Variants in INA observed in about 807,000 individuals in gnomAD.
The protein encoded by INA is alpha-internexin.
INA carries 35 observed loss-of-function variants against 40.1 expected under a neutral mutation model. The observed-to-expected ratio is 0.87, with a 90% CI of 0.67 to 1.16. The LOEUF (loss-of-function observed/expected upper bound fraction) is 1.16, where lower values mean the gene tolerates loss of function less well. Ranked by LOEUF, INA falls within the 50% of genes most tolerant of loss-of-function variation. INA has a pLI of 0.00. For missense variants in INA, 594 were observed against 686.7 expected (o/e 0.87, Z 1.51); for synonymous variants, 290 against 316.9 (o/e 0.92, Z 0.90).
At position 103,277,252 on chromosome 10, in the gene INA, C is replaced by T; in HGVS notation, c.41C>T (p.Ser14Phe). ...GSEHYLCSSS[S>F]YRKVFGDGSR... ...GAGCACTACCTGTGCTCCTCCTCCT[C>T]CTACCGCAAGGTGTTCGGGGATGGC... The change falls in exon 1 of 3, where the codon TCC (serine) becomes TTC (phenylalanine). Residue 14 changes from serine (S) to phenylalanine (F), a missense_variant. Physicochemically the swap from Ser to Phe is radical, Grantham distance 155. Around this residue, in one of 2 missense-constraint regions of INA, gnomAD observed 215 missense variants for 190.6 expected, o/e 1.13. Transcript: ENST00000369849. The surrounding 1 kb of genome is among the most constrained non-coding windows in gnomAD (Gnocchi z 5.6). The T allele has an allele frequency of 6.3e-7, 1 of 1,593,932 alleles. No individual in the cohort carries two copies. The highest frequency in any genetic ancestry group is 8.5e-7 in the Non-Finnish European group (1 of 1,173,316).
intron 1 of INA, among the ~76,000 whole-genome samples, chr10:103,285,785 T>C (rs944307917): frequency 3.3e-5 from 5 of 151,832 alleles, no homozygotes; most frequent in African/African-American, 9.7e-5. Flanking sequence ...ACCCAGCTAA[T>C]TTTTGTATTT....
rs754052697 is a variant in INA, at chr10:103,288,687, AG to A, written c.*19del. The A allele has an allele frequency of 1.3e-6, 2 of 1,492,314 alleles. No homozygotes were observed. Among genetic ancestry groups the A allele is most frequent in the Non-Finnish European group, 1.8e-6 (2 of 1,102,424 alleles). 92.4% of individuals were successfully genotyped at this position (1,492,314 alleles called of 1,614,324 possible). A position where few individuals can be genotyped will look rare whatever the true frequency, so the allele number is the denominator to read the frequency against. ...AAATATAATTCCATTGCTTTGAAAA[AG>A]TTAATGCTTAAGAGGGAATGATATG... On this transcript the variant is annotated 3_prime_UTR_variant, in exon 3 of 3. Transcript: ENST00000369849.
At position 103,277,480 on chromosome 10, in the gene INA, T is replaced by A. The variant is rs773213037; in HGVS notation, c.269T>A (p.Ile90Asn). The A allele has an allele frequency of 5.0e-6, 8 of 1,588,254 alleles. No individual in the cohort carries two copies. Among genetic ancestry groups the A allele is most frequent in the African/African-American group, 1.4e-5 (1 of 71,964 alleles). Residue 90 changes from isoleucine to asparagine, a missense_variant, in exon 1 of 3, where the codon ATC becomes AAC. Ile to Asn is a moderately radical substitution (Grantham distance 149). This residue lies in a region of INA where 215 missense variants were observed against 190.6 expected (regional missense o/e 1.13). Coordinates refer to ENST00000369849, the MANE Select transcript of INA (RefSeq NM_032727.4). This position sits in a 1 kb window ranked among gnomAD's most constrained non-coding sequence, Gnocchi z 5.6. ...GCGCGCACCAACGAGTACAAGATCA[T>A]CCGCACCAACGAGAAGGAGCAGCTG... ...AAARTNEYKI[I>N]RTNEKEQLQG...
intron 1 of INA, among the ~76,000 whole-genome samples, chr10:103,281,888 G>A (rs2093073442): frequency 6.6e-6 from 1 of 152,196 alleles, no homozygotes; most frequent in Non-Finnish European, 1.5e-5. Flanking sequence ...GCTCCTCCAG[G>A]AGAGACCCCA....
At chr10:103,281,894 C>T (rs745952423) in intron 1 of INA, among the ~76,000 whole-genome samples, 3 of 152,226 alleles carry the variant, frequency 2.0e-5, no homozygotes, top group Non-Finnish European at 4.4e-5. Context: ...CCAGGAGAGA[C>T]CCCAGCTGGA....
In INA at chr10:103,280,143, C is replaced by T. The variant is rs115413294; in HGVS notation, c.1065+1867C>T. 5.2e-4 allele frequency: 512 copies of T among 985,352 alleles called. No individual in the cohort carries two copies. In the African/African-American group the frequency reaches 7.4e-3, roughly 14 times the overall value. 61.0% of individuals were successfully genotyped at this position (985,352 alleles called of 1,614,324 possible). On this transcript the variant is annotated intron_variant, in intron 1 of 2. Transcript: ENST00000369849. ...GGCTTTCATCATTAGACAATGGTAG[C>T]GTCATCCAGACATGGTCTACAGGAA...
intron 1 of INA, 111 bp from the exon 2 acceptor site, chr10:103,286,924 G>A: frequency 8.7e-7 from 1 of 1,144,004 alleles, no homozygotes; most frequent in Non-Finnish European, 1.3e-6. Flanking sequence ...CAAGTTATAA[G>A]TTCATTAGAT....
intron 1 of INA, among the ~76,000 whole-genome samples, chr10:103,286,788 A>G (rs2093087275): frequency 6.6e-6 from 1 of 152,088 alleles, no homozygotes. Flanking sequence ...CTCTGGGTAA[A>G]AGTTCCCAGT....
At chr10:103,286,681 G>A (rs923425581) in intron 1 of INA, among the ~76,000 whole-genome samples, 3 of 150,412 alleles carry the variant, frequency 2.0e-5, no homozygotes, top group Non-Finnish European at 4.5e-5. Flanking sequence ...AAGCAAGGGA[G>A]GGATGGTAAG....
rs201804776 is a variant in INA at position 103,287,151 on chromosome 10, A to G, written c.1182A>G (p.Ala394=). 1.2e-6 allele frequency: 2 copies of G among 1,613,504 alleles called. No homozygotes were observed. Among genetic ancestry groups the G allele is most frequent in the East Asian group, 4.5e-5 (2 of 44,850 alleles). ...AAATGGCTCTTGACATTGAGATAGCAGCTTACAGGTACTGCAAAGGACCTG... is the reference window on the plus strand; with the variant it reads ...AAATGGCTCTTGACATTGAGATAGCGGCTTACAGGTACTGCAAAGGACCTG... ...NVKMALDIEI[A]AYRKLLEGEE... is the part of the protein sequence containing the mutation. The change falls in exon 2 of 3, where the codon GCA becomes GCG. Residue 394 remains alanine, a synonymous_variant. Transcript: ENST00000369849.
In INA at chr10:103,277,177, G is replaced by C; in HGVS notation, c.-35G>C. 1 of 1,542,338 alleles carries C rather than the reference G, an allele frequency of 6.5e-7. No individual in the cohort carries two copies. The highest frequency in any genetic ancestry group is 1.4e-5 in the African/African-American group (1 of 69,564). ...ACCTCTCCTTTCTTCTGTAGCTCGCGTTGAAGCCGCACGTCCGGCCCCGAT... is the reference window on the plus strand; with the variant it reads ...ACCTCTCCTTTCTTCTGTAGCTCGCCTTGAAGCCGCACGTCCGGCCCCGAT... On this transcript the variant is annotated 5_prime_UTR_variant, in exon 1 of 3. Coordinates refer to ENST00000369849, the MANE Select transcript of INA (RefSeq NM_032727.4). This position sits in a 1 kb window ranked among gnomAD's most constrained non-coding sequence, Gnocchi z 5.6.
intron 1 of INA, among the ~76,000 whole-genome samples, chr10:103,279,710 G>T (rs923529585): frequency 9.9e-5 from 15 of 152,164 alleles, no homozygotes; most frequent in African/African-American, 2.9e-4. Context: ...AGAAGCTAAA[G>T]AATTCTTATT....
At chr10:103,279,301 T>C (rs2093067825) in intron 1 of INA, among the ~76,000 whole-genome samples, 1 of 152,210 alleles carries the variant, frequency 6.6e-6, no homozygotes, top group Non-Finnish European at 1.5e-5. Context: ...TGTAAGTGCA[T>C]GTGATAAGTC....
Position 103,288,374 on chromosome 10 carries a change from G to T in INA, c.1205G>T (p.Gly402Val). ...EIAAYRKLLEGEETRFSTSGL... is the reference protein window; with the variant it reads ...EIAAYRKLLEVEETRFSTSGL... ...TGAATTTACAGGAAACTGCTGGAAG[G>T]CGAGGAGACACGTTTTAGCACCAGT... The change falls in exon 3 of 3, where the codon GGC becomes GTC. Residue 402 changes from glycine to valine, a missense_variant. Transcript: ENST00000369849. 1.9e-6 allele frequency: 3 copies of T among 1,598,724 alleles called. No individual in the cohort carries two copies. The South Asian group carries it at 3.3e-5, about 18-fold the overall frequency.
At chr10:103,279,164 G>T (rs1371253236) in intron 1 of INA, among the ~76,000 whole-genome samples, 5 of 151,964 alleles carry the variant, frequency 3.3e-5, no homozygotes, top group Non-Finnish European at 5.9e-5. Flanking sequence ...GCAATCAAAG[G>T]TCACCTCATA....
chr10:103,277,638 T>C lies in INA; in HGVS notation c.427T>C (p.Phe143Leu). The change falls in exon 1 of 3, where the codon TTC (phenylalanine) becomes CTC (leucine). Residue 143 changes from phenylalanine to leucine, a missense_variant. By Grantham distance (22) the Phe-to-Leu change is conservative. This residue lies in a region of INA where 379 missense variants were observed against 496.1 expected (regional missense o/e 0.76). Transcript: ENST00000369849. This position sits in a 1 kb window ranked among gnomAD's most constrained non-coding sequence, Gnocchi z 5.6. ...TGAGCCGTCGCGCGTCGGCGAGCTCTTCCAGCGCGAGCTGCGCGACCTGCG... is the reference window on the plus strand; with the variant it reads ...TGAGCCGTCGCGCGTCGGCGAGCTCCTCCAGCGCGAGCTGCGCGACCTGCG... ...HAEPSRVGELFQRELRDLRAQ... is the reference protein window; with the variant it reads ...HAEPSRVGELLQRELRDLRAQ... 1 of 1,433,352 alleles carries C rather than the reference T, an allele frequency of 7.0e-7. No individual in the cohort carries two copies. Among genetic ancestry groups the C allele is most frequent in the Non-Finnish European group, 9.1e-7 (1 of 1,099,876 alleles). 88.8% of individuals were successfully genotyped at this position (1,433,352 alleles called of 1,614,324 possible). A position where few individuals can be genotyped will look rare whatever the true frequency, so the allele number is the denominator to read the frequency against.
At chr10:103,286,926 T>G in intron 1 of INA, 109 bp from the exon 2 acceptor site, 1 of 1,153,804 alleles carries the variant, frequency 8.7e-7, no homozygotes, top group Non-Finnish European at 1.2e-6. Context: ...AGTTATAAGT[T>G]CATTAGATGA....
intron 1 of INA, among the ~76,000 whole-genome samples, chr10:103,286,131 C>T (rs1020576951): frequency 6.6e-6 from 1 of 151,864 alleles, no homozygotes; most frequent in Non-Finnish European, 1.5e-5. Context: ...AGTTCAAGAC[C>T]AGCCTGGACA....
At chr10:103,281,407 G>C (rs1007685710) in intron 1 of INA, among the ~76,000 whole-genome samples, 4 of 152,176 alleles carry the variant, frequency 2.6e-5, no homozygotes, top group Non-Finnish European at 5.9e-5. Context: ...TTCACAGGTA[G>C]GGCCCGGGAA....
Sources: gnomAD v4.1 joint callset for allele counts (sites outside exome capture counted in the v4.1 genomes callset) on GRCh38, gnomAD v4.1.1 for gene constraint, gnomAD v4.1.1 regional missense constraint, Gnocchi (gnomAD v3.1) non-coding constraint, MANE v1.5 for transcripts, NCBI Gene and HGNC (gene_info 2026-07-23, HGNC 2026-07-21) for gene names.